RNF180: variants seen among roughly 807,000 people sequenced by gnomAD.
RNF180 encodes ring finger protein 180.
A neutral mutation model predicts 59.2 loss-of-function variants in RNF180; 38 were observed. The observed-to-expected ratio is 0.64, with a 90% confidence interval of 0.50 to 0.84. The LOEUF (loss-of-function observed/expected upper bound fraction) is 0.84, where lower values mean the gene tolerates loss of function less well. RNF180 is among the 40% of genes least tolerant of loss of function. RNF180 has a pLI of 0.00. For synonymous variants in RNF180, 262 were observed against 240.3 expected (o/e 1.09, Z -0.84); for missense variants, 705 against 700.9 (o/e 1.01, Z -0.07).
chr5:64,302,782 T>C (rs1406936788), intron 5 of RNF180, among the ~76,000 whole-genome samples: 1 of 151,682 alleles, frequency 6.6e-6, no homozygotes, highest in Non-Finnish European at 1.5e-5. Context: ...TCTACTTTTG[T>C]CCAAGGATTT....
intron 5 of RNF180, among the ~76,000 whole-genome samples, chr5:64,241,571 A>G (rs953515348): frequency 3.3e-5 from 5 of 152,174 alleles, no homozygotes; most frequent in African/African-American, 1.2e-4. Flanking sequence ...TTCTTAACTA[A>G]TACAAAAGTC....
chr5:64,356,574 C>T (rs1746035986), intron 7 of RNF180, among the ~76,000 whole-genome samples: 1 of 151,582 alleles, frequency 6.6e-6, no homozygotes, highest in Admixed American at 6.6e-5. Flanking sequence ...GCATTATTCA[C>T]AATAGCCAAA....
chr5:64,358,226 T>C (rs993278959), intron 7 of RNF180, among the ~76,000 whole-genome samples: 1 of 151,806 alleles, frequency 6.6e-6, no homozygotes, highest in African/African-American at 2.4e-5. Context: ...TGCTGGTTAT[T>C]GTGGCAGAGG....
chr5:64,246,732 A>G (rs1184216454), intron 5 of RNF180, among the ~76,000 whole-genome samples: 2 of 152,244 alleles, frequency 1.3e-5, no homozygotes, highest in African/African-American at 4.8e-5. Flanking sequence ...AACAATAGAA[A>G]AAGAGGGATT....
chr5:64,198,334 A>G (rs537310993), intron 1 of RNF180, among the ~76,000 whole-genome samples: 26 of 152,268 alleles, frequency 1.7e-4, no homozygotes, highest in African/African-American at 6.3e-4. Context: ...AGCCAGTACA[A>G]AGGCCCTGAA....
At chr5:64,210,654 C>G (rs1580007643) in intron 2 of RNF180, among the ~76,000 whole-genome samples, 1 of 152,106 alleles carries the variant, frequency 6.6e-6, no homozygotes, top group East Asian at 1.9e-4. Flanking sequence ...ATTAGTCTGT[C>G]ATATGCTTAT....
rs1025779410 is a variant in RNF180 at position 64,328,220 on chromosome 5, A to G, written c.1454-2061A>G. ...TACCACTTTTTTGGGGGGGATTTTTAACTTCTCAGAAAATACCCTGAATCA... is the reference window on the plus strand; with the variant it reads ...TACCACTTTTTTGGGGGGGATTTTTGACTTCTCAGAAAATACCCTGAATCA... On this transcript the variant is annotated intron_variant, in intron 6 of 7. Transcript: ENST00000389100. Among the ~76,000 whole-genome samples the G allele has an allele frequency of 3.2e-4, 49 of 152,158 alleles. 1 individual carries two copies. The highest frequency in any genetic ancestry group is 1.5e-5 in the Non-Finnish European group (1 of 68,022).
At chr5:64,312,399 G>A (rs1382657592) in intron 5 of RNF180, among the ~76,000 whole-genome samples, 1 of 152,032 alleles carries the variant, frequency 6.6e-6, no homozygotes, top group East Asian at 1.9e-4. Context: ...GTCAGAGCCT[G>A]GGACAGTACC....
At chr5:64,198,033 G>T (rs1751544106) in intron 1 of RNF180, among the ~76,000 whole-genome samples, 1 of 152,028 alleles carries the variant, frequency 6.6e-6, no homozygotes, top group Non-Finnish European at 1.5e-5. Context: ...AGGAGGTCTA[G>T]AAAAAGGTTA....
chr5:64,367,498 A>G (rs771350352), intron 7 of RNF180, among the ~76,000 whole-genome samples: 13 of 151,706 alleles, frequency 8.6e-5, no homozygotes, highest in Admixed American at 6.6e-4. Flanking sequence ...AGCTCTACAA[A>G]TTCTGTTTAA....
At chr5:64,280,658 G>C (rs1456545480) in intron 5 of RNF180, among the ~76,000 whole-genome samples, 1 of 151,874 alleles carries the variant, frequency 6.6e-6, no homozygotes, top group Non-Finnish European at 1.5e-5. Context: ...TGTTACATTG[G>C]TCTGCGTGTC....
Position 64,245,445 on chromosome 5 carries a change from C to CA in RNF180, c.1227+28056dup, listed in dbSNP as rs550550737. 4.2e-3 allele frequency among the ~76,000 whole-genome samples: 645 copies of CA among 151,830 alleles called. 5 individuals carry two copies. The highest frequency in any genetic ancestry group is 0.015 in the African/African-American group (603 of 41,440). Reference sequence around the variant, plus strand: ...GAATATTTAACAAGCACATGGAAAGCAAAAAAAGCAGGGGTTGCAATCCTA... The same window carrying CA: ...GAATATTTAACAAGCACATGGAAAGCAAAAAAAAGCAGGGGTTGCAATCCTA... On this transcript the variant is annotated intron_variant, in intron 5 of 7. Coordinates refer to ENST00000389100, the MANE Select transcript of RNF180 (RefSeq NM_001113561.2).
chr5:64,246,069 A>G (rs190915073), intron 5 of RNF180, among the ~76,000 whole-genome samples: 1 of 152,122 alleles, frequency 6.6e-6, no homozygotes, highest in African/African-American at 2.4e-5. Flanking sequence ...CCAATGAGAA[A>G]AAAGACACAA....
intron 1 of RNF180, among the ~76,000 whole-genome samples, chr5:64,180,179 T>G (rs1223904543): frequency 6.6e-6 from 1 of 152,234 alleles, no homozygotes; most frequent in Non-Finnish European, 1.5e-5. Context: ...TTGTCATTAA[T>G]TTTGTCTTTT....
chr5:64,298,600 C>T (rs1390330521), intron 5 of RNF180, among the ~76,000 whole-genome samples: 1 of 151,860 alleles, frequency 6.6e-6, no homozygotes, highest in African/African-American at 2.4e-5. Flanking sequence ...TGTTTGTGTT[C>T]CTCCTCCTTC....
chr5:64,234,921 T>G (rs1185958521), intron 5 of RNF180, among the ~76,000 whole-genome samples: 2 of 152,042 alleles, frequency 1.3e-5, no homozygotes, highest in African/African-American at 4.8e-5. Flanking sequence ...TTTACCTTAA[T>G]TCTACATAAT....
At chr5:64,221,601 A>G (rs572058539) in intron 5 of RNF180, among the ~76,000 whole-genome samples, 89 of 152,300 alleles carry the variant, frequency 5.8e-4, no homozygotes, top group East Asian at 1.9e-3. Flanking sequence ...GTCAAGTTAA[A>G]TAAATAAAAC....
At chr5:64,304,069 A>G (rs1743307503) in intron 5 of RNF180, among the ~76,000 whole-genome samples, 1 of 151,620 alleles carries the variant, frequency 6.6e-6, no homozygotes, top group Non-Finnish European at 1.5e-5. Flanking sequence ...AGTCTGGATG[A>G]CAGCACATCT....
In RNF180 at chr5:64,214,070, A is replaced by G; in HGVS notation, c.744A>G (p.Ile248Met). ...CTTTATTACCCACTTTATATGAAATACATAGTAAGACTACTGCCTATTCCA... is the reference window on the plus strand; with the variant it reads ...CTTTATTACCCACTTTATATGAAATGCATAGTAAGACTACTGCCTATTCCA... ...KLTLLPTLYE[I>M]HSKTTAYSRL... is the part of the protein sequence containing the mutation. The change falls in exon 4 of 8, where the codon ATA becomes ATG. Residue 248 changes from isoleucine (I) to methionine (M), a missense_variant. Transcript: ENST00000389100. The G allele has an allele frequency of 6.2e-7, 1 of 1,614,046 alleles. No homozygotes were observed.
Sources: gnomAD v4.1 joint callset for allele counts (sites outside exome capture counted in the v4.1 genomes callset) on GRCh38, gnomAD v4.1.1 for gene constraint, MANE v1.5 for transcripts, NCBI Gene and HGNC (gene_info 2026-07-23, HGNC 2026-07-21) for gene names.